Variants in PARN observed in about 807,000 individuals in gnomAD.
The protein encoded by PARN is poly(A)-specific ribonuclease PARN.
Under a neutral mutation model 102.8 loss-of-function variants are expected in PARN, and 71 were observed. The ratio of observed to expected loss-of-function variants is 0.69; its 90% CI spans 0.57 to 0.84. The LOEUF (loss-of-function observed/expected upper bound fraction) is 0.84, where lower values mean the gene tolerates loss of function less well. Among genes scored for constraint, PARN ranks in the 40% least tolerant of loss-of-function variants. The pLI, the probability that PARN is intolerant of heterozygous loss-of-function variation, is 0.00. For missense variants in PARN, 782 were observed against 760.9 expected, an observed-to-expected ratio of 1.03 and a Z score of -0.33; for synonymous variants, 261 against 252.9, an observed-to-expected ratio of 1.03 and a Z score of -0.30.
intron 21 of PARN, among the ~76,000 whole-genome samples, chr16:14,542,166 G>A (rs1003838528): frequency 6.6e-6 from 1 of 151,602 alleles, no homozygotes; most frequent in African/African-American, 2.4e-5. Flanking sequence ...CACCATGCCT[G>A]ACTAATTTTG....
chr16:14,446,710 G>A (rs537854452), intron 23 of PARN, among the ~76,000 whole-genome samples, 178 bp downstream of exon 23: 7 of 152,258 alleles, frequency 4.6e-5, no homozygotes, highest in Non-Finnish European at 7.4e-5. Context: ...CCGAGCCAGA[G>A]CTTTTTAGGA....
At chr16:14,555,053 G>A (rs1399097396) in intron 19 of PARN, among the ~76,000 whole-genome samples, 1 of 152,146 alleles carries the variant, frequency 6.6e-6, no homozygotes, top group Non-Finnish European at 1.5e-5. Flanking sequence ...TCAGTCTAAT[G>A]TGGAGGGCAA....
At position 14,584,328 on chromosome 16, in the gene PARN, T is replaced by G. The variant is rs2151753956; in HGVS notation, c.1081+19A>C. 3.2e-6 allele frequency: 5 copies of G among 1,557,402 alleles called. No homozygotes were observed. Among genetic ancestry groups the G allele is most frequent in the Non-Finnish European group, 4.4e-6 (5 of 1,128,874 alleles). ...ATTATTACAAAGAGTTTGGAGGGTT[T>G]CCGGTTTAATATTCTTACCAACTTT... On this transcript the variant is annotated intron_variant, in intron 16 of 23. Coordinates refer to ENST00000437198, the MANE Select transcript of PARN (RefSeq NM_002582.4).
chr16:14,532,196 A>ATTGTTCATTCTTGGGTG (rs1966377425), intron 21 of PARN, among the ~76,000 whole-genome samples: 1 of 125,510 alleles, frequency 8.0e-6, no homozygotes, highest in Non-Finnish European at 1.8e-5. Flanking sequence ...TTTTTTTTTA[A>ATTGTTCATTCTTGGGTG]TTGTTCATTC....
intron 6 of PARN, among the ~76,000 whole-genome samples, chr16:14,611,421 CT>C (rs1971512509): frequency 6.6e-6 from 1 of 152,126 alleles, no homozygotes; most frequent in East Asian, 1.9e-4. Context: ...AGATAATTAC[CT>C]TACCTGCATA....
At chr16:14,529,962 C>A (rs564787100) in intron 21 of PARN, among the ~76,000 whole-genome samples, 1 of 149,874 alleles carries the variant, frequency 6.7e-6, no homozygotes, top group Non-Finnish European at 1.5e-5. Context: ...GAACTCTAAA[C>A]GATTCCTTAA....
At chr16:14,606,415 A>G in intron 10 of PARN, 69 bp downstream of exon 10, 1 of 875,474 alleles carries the variant, frequency 1.1e-6, no homozygotes, top group Non-Finnish European at 1.7e-6. Flanking sequence ...AAAAGAAAAA[A>G]AAAAGAAACC....
intron 21 of PARN, among the ~76,000 whole-genome samples, chr16:14,488,246 T>C (rs1040773877): frequency 6.6e-6 from 1 of 152,078 alleles, no homozygotes; most frequent in Non-Finnish European, 1.5e-5. Flanking sequence ...TCACTCCAGA[T>C]GGATGAAGAG....
intron 18 of PARN, among the ~76,000 whole-genome samples, chr16:14,580,145 T>C (rs565413880): frequency 4.6e-5 from 7 of 152,202 alleles, no homozygotes; most frequent in Admixed American, 6.5e-5. Context: ...TAATTTTTTG[T>C]ATTTTTAGTA....
At chr16:14,596,382 A>T (rs1970513064) in intron 12 of PARN, among the ~76,000 whole-genome samples, 1 of 151,988 alleles carries the variant, frequency 6.6e-6, no homozygotes, top group South Asian at 2.1e-4. Context: ...TATTATTATT[A>T]ATACTAATAA....
rs1965040900 is a variant in PARN, at chr16:14,508,851, G to C, written c.1481-26024C>G. Among the ~76,000 whole-genome samples, 4 of 151,326 alleles carry C rather than the reference G, an allele frequency of 2.6e-5. No homozygotes were observed. In the South Asian group the frequency reaches 8.3e-4, roughly 31 times the overall value. ...GATGTGGGAGGATCACTTGAGGCCAGGAGTTCAAGACTAGCCTGGGCAACA... is the reference window on the plus strand; with the variant it reads ...GATGTGGGAGGATCACTTGAGGCCACGAGTTCAAGACTAGCCTGGGCAACA... On this transcript the variant is annotated intron_variant, in intron 21 of 23. Coordinates refer to ENST00000437198, the MANE Select transcript of PARN (RefSeq NM_002582.4).
intron 21 of PARN, among the ~76,000 whole-genome samples, chr16:14,499,283 C>A (rs1055317757): frequency 1.3e-5 from 2 of 152,092 alleles, no homozygotes; most frequent in Admixed American, 1.3e-4. Context: ...TTGAGTCTAA[C>A]ACAGGTAATA....
intron 21 of PARN, among the ~76,000 whole-genome samples, chr16:14,505,772 T>C (rs1964862465): frequency 6.6e-6 from 1 of 152,184 alleles, no homozygotes; most frequent in African/African-American, 2.4e-5. Context: ...ATTAAACTTC[T>C]GAAAATAATT....
intron 21 of PARN, among the ~76,000 whole-genome samples, chr16:14,532,781 G>A (rs1966416335): frequency 6.6e-6 from 1 of 150,524 alleles, no homozygotes; most frequent in Admixed American, 6.6e-5. Flanking sequence ...CCTCCCTCCT[G>A]GACGGGGCGG....
At chr16:14,575,581 C>T (rs1969077406) in intron 18 of PARN, among the ~76,000 whole-genome samples, 2 of 152,130 alleles carry the variant, frequency 1.3e-5, no homozygotes, top group Admixed American at 1.3e-4. Context: ...ATAGCCTGTA[C>T]CCCCATTGTA....
chr16:14,607,180 C>A (rs978711932), intron 9 of PARN, among the ~76,000 whole-genome samples: 1 of 152,026 alleles, frequency 6.6e-6, no homozygotes, highest in African/African-American at 2.4e-5. Flanking sequence ...TGTTTCCTAA[C>A]TGAAATTGTG....
At position 14,452,025 on chromosome 16, in the gene PARN, C is replaced by A. The variant is rs535738720; in HGVS notation, c.1671-4944G>T. ...CATGACCAGCCCACTGCACTCCAGC[C>A]TGGGTGACAGAGTGAGACCCTGTCT... On this transcript the variant is annotated intron_variant, in intron 22 of 23. Coordinates refer to ENST00000437198, the MANE Select transcript of PARN (RefSeq NM_002582.4). Among the ~76,000 whole-genome samples, 16 of 152,068 alleles carry A rather than the reference C, an allele frequency of 1.1e-4. No homozygotes were observed. The South Asian group carries it at 1.7e-3, about 16-fold the overall frequency.
intron 21 of PARN, among the ~76,000 whole-genome samples, chr16:14,523,159 A>G (rs755921554): frequency 6.6e-6 from 1 of 152,068 alleles, no homozygotes; most frequent in Non-Finnish European, 1.5e-5. Flanking sequence ...CAAACCACTA[A>G]TTAGAAAAAC....
intron 21 of PARN, among the ~76,000 whole-genome samples, chr16:14,495,988 C>T (rs1207837608): frequency 6.6e-6 from 1 of 152,166 alleles, no homozygotes; most frequent in Non-Finnish European, 1.5e-5. Context: ...CAGAAGAGGC[C>T]ATGGAGCTGG....
Sources: allele counts gnomAD v4.1 joint callset (sites outside exome capture counted in the v4.1 genomes callset), GRCh38; gene constraint gnomAD v4.1.1; transcripts MANE v1.5; gene names NCBI Gene and HGNC (gene_info 2026-07-23, HGNC 2026-07-21).